TMEM178B: variants seen among roughly 807,000 people sequenced by gnomAD.
TMEM178B encodes transmembrane protein 178B.
TMEM178B carries 5 observed loss-of-function variants against 31.0 expected under a neutral mutation model. The observed-to-expected ratio is 0.16, with a 90% confidence interval of 0.08 to 0.34. The LOEUF is 0.34. TMEM178B is among the 10% of genes least tolerant of loss of function. The pLI is 1.00. For synonymous variants in TMEM178B, 164 were observed against 164.0 expected (o/e 1.00, Z 0.00); for missense variants, 275 against 400.3 (o/e 0.69, Z 2.67).
intron 2 of TMEM178B, among the ~76,000 whole-genome samples, chr7:141,305,769 C>G (rs1194688267): frequency 6.6e-6 from 1 of 152,086 alleles, no homozygotes; most frequent in Non-Finnish European, 1.5e-5. Context: ...TTTTTTCCTA[C>G]TGTTATCCCT....
intron 2 of TMEM178B, among the ~76,000 whole-genome samples, chr7:141,338,201 G>A (rs191852701): frequency 2.6e-5 from 4 of 152,264 alleles, no homozygotes; most frequent in South Asian, 2.1e-4. Flanking sequence ...AGCAATAGAG[G>A]TATAACAAAG....
At chr7:141,447,408 G>A (rs921579632) in intron 3 of TMEM178B, among the ~76,000 whole-genome samples, 4 of 151,998 alleles carry the variant, frequency 2.6e-5, no homozygotes, top group African/African-American at 9.7e-5. Flanking sequence ...GACTGAGCCT[G>A]TTGGGTCTGA....
intron 2 of TMEM178B, among the ~76,000 whole-genome samples, chr7:141,221,405 T>C (rs1797254309): frequency 7.2e-6 from 1 of 139,474 alleles, no homozygotes; most frequent in South Asian, 2.4e-4. Context: ...AAGACATGGA[T>C]GTCAGAGCAG....
intron 1 of TMEM178B, among the ~76,000 whole-genome samples, chr7:141,205,243 A>G (rs902666229): frequency 6.6e-6 from 1 of 152,228 alleles, no homozygotes; most frequent in South Asian, 2.1e-4. Context: ...GTCACAATGT[A>G]TATTAAAAAC....
At chr7:141,292,456 T>A (rs138988484) in intron 2 of TMEM178B, among the ~76,000 whole-genome samples, 20 of 152,232 alleles carry the variant, frequency 1.3e-4, no homozygotes, top group African/African-American at 4.8e-4. Flanking sequence ...AGGAATGAGC[T>A]TGCCCTTGCA....
In TMEM178B at chr7:141,293,615, ATG is replaced by A. The variant is rs145978849; in HGVS notation, c.496+80913_496+80914del. ...ACCATGGGAGAGCTAAGAATCAAGA[ATG>A]TCAGCTTCACTCAATTCAGTCTTCT... is the stretch of plus-strand genomic sequence containing the variant. On this transcript the variant is annotated intron_variant, in intron 2 of 3. Coordinates refer to ENST00000565468, the MANE Select transcript of TMEM178B (RefSeq NM_001195278.2). Among the ~76,000 whole-genome samples the A allele has an allele frequency of 2.8e-3, 420 of 152,284 alleles. 2 individuals carry two copies. Among genetic ancestry groups the A allele is most frequent in the African/African-American group, 9.4e-3 (392 of 41,560 alleles).
At chr7:141,372,596 C>T (rs926529242) in intron 2 of TMEM178B, among the ~76,000 whole-genome samples, 2 of 152,188 alleles carry the variant, frequency 1.3e-5, no homozygotes, top group African/African-American at 4.8e-5. Context: ...AGGGGACAAT[C>T]ACATAGAACC....
chr7:141,320,846 T>C (rs554898895), intron 2 of TMEM178B, among the ~76,000 whole-genome samples: 74 of 152,222 alleles, frequency 4.9e-4, no homozygotes, highest in Admixed American at 1.2e-3. Context: ...TAGTGTGGGA[T>C]TCAGACCTGG....
the TMEM178B span, among the ~76,000 whole-genome samples, chr7:141,499,918 T>G: frequency 6.6e-6 from 1 of 152,192 alleles, no homozygotes; most frequent in Non-Finnish European, 1.5e-5. Flanking sequence ...TGATGTATCT[T>G]TAAAAATAAT....
At chr7:141,157,917 C>T (rs1796100782) in intron 1 of TMEM178B, among the ~76,000 whole-genome samples, 1 of 152,140 alleles carries the variant, frequency 6.6e-6, no homozygotes, top group African/African-American at 2.4e-5. Context: ...TTCCCCGCCT[C>T]TGTGCCTCTA....
intron 1 of TMEM178B, among the ~76,000 whole-genome samples, chr7:141,206,284 A>G (rs1327110103): frequency 6.6e-6 from 1 of 152,136 alleles, no homozygotes; most frequent in African/African-American, 2.4e-5. Flanking sequence ...GACCTCTAGG[A>G]AGGAAGAATG....
chr7:141,250,842 G>T (rs772609746), intron 2 of TMEM178B, among the ~76,000 whole-genome samples: 110 of 152,128 alleles, frequency 7.2e-4, no homozygotes, highest in Non-Finnish European at 1.2e-3. Flanking sequence ...TACCTGACAG[G>T]ATCAAATGGG....
At chr7:141,349,666 A>G (rs1799679244) in intron 2 of TMEM178B, among the ~76,000 whole-genome samples, 1 of 152,232 alleles carries the variant, frequency 6.6e-6, no homozygotes, top group Non-Finnish European at 1.5e-5. Context: ...AACAAAGGAA[A>G]GATTCAGCAG....
At chr7:141,264,851 T>A (rs546996383) in intron 2 of TMEM178B, among the ~76,000 whole-genome samples, 4 of 152,308 alleles carry the variant, frequency 2.6e-5, no homozygotes, top group Admixed American at 6.5e-5. Flanking sequence ...ATGGACTGTG[T>A]TTTGCGAGCA....
At chr7:141,457,618 C>T (rs764674017) in intron 3 of TMEM178B, among the ~76,000 whole-genome samples, 2 of 152,192 alleles carry the variant, frequency 1.3e-5, no homozygotes, top group Non-Finnish European at 2.9e-5. Flanking sequence ...AAAAATGCCA[C>T]TCTCACAGTC....
At chr7:141,215,818 CTTTCTTT>C (rs1471368768) in intron 2 of TMEM178B, among the ~76,000 whole-genome samples, 3 of 81,198 alleles carry the variant, frequency 3.7e-5, no homozygotes, top group Non-Finnish European at 8.0e-5. Context: ...TTCTTTCTTT[CTTTCTTT>C]CTTTCTTTCT....
chr7:141,369,099 T>A (rs1800062444), intron 2 of TMEM178B, among the ~76,000 whole-genome samples: 1 of 151,616 alleles, frequency 6.6e-6, no homozygotes, highest in African/African-American at 2.4e-5. Context: ...GAAGTAAACA[T>A]CCCTTCAGCC....
chr7:141,202,989 C>T (rs1342850587), intron 1 of TMEM178B, among the ~76,000 whole-genome samples: 2 of 152,210 alleles, frequency 1.3e-5, no homozygotes, highest in Non-Finnish European at 2.9e-5. Flanking sequence ...GACCAAGTTT[C>T]CCTTTTAATC....
At chr7:141,447,736 G>A (rs1193748030) in intron 3 of TMEM178B, among the ~76,000 whole-genome samples, 1 of 152,144 alleles carries the variant, frequency 6.6e-6, no homozygotes, top group African/African-American at 2.4e-5. Context: ...AGGGTTAGGG[G>A]CTGGCATGTG....
Sources: allele counts gnomAD v4.1 joint callset (sites outside exome capture counted in the v4.1 genomes callset), GRCh38; gene constraint gnomAD v4.1.1; transcripts MANE v1.5; gene names NCBI Gene and HGNC (gene_info 2026-07-23, HGNC 2026-07-21).